Variants in SPATA9 observed in about 807,000 individuals in gnomAD.
SPATA9 encodes the protein spermatogenesis-associated protein 9.
In SPATA9, 27 loss-of-function variants were observed where a neutral mutation model predicts 25.5. The ratio of observed to expected loss-of-function variants is 1.06; its 90% CI spans 0.78 to 1.46. SPATA9 has a LOEUF of 1.46. SPATA9 is among the 40% of genes most tolerant of loss of function. SPATA9 has a pLI of 0.00. For synonymous variants in SPATA9, 102 were observed against 105.7 expected, an observed-to-expected ratio of 0.97 and a Z score of 0.21; for missense variants, 282 against 297.5, an observed-to-expected ratio of 0.95 and a Z score of 0.38.
At chr5:95,679,131 G>C (rs1407857314) in intron 2 of SPATA9, among the ~76,000 whole-genome samples, 1 of 152,160 alleles carries the variant, frequency 6.6e-6, no homozygotes, top group African/African-American at 2.4e-5. Flanking sequence ...AGAAATGAAT[G>C]AATGAAGTTG....
At chr5:95,731,310 A>G in the SPATA9 span, 3 of 1,050,474 alleles carry the variant, frequency 2.9e-6, no homozygotes, top group Non-Finnish European at 3.4e-6. Flanking sequence ...TTCTCTGCTT[A>G]GAGGAGGAGG....
At chr5:95,656,373 T>C, downstream of SPATA9, 2 of 1,368,698 alleles carry the variant, frequency 1.5e-6, no homozygotes, top group Middle Eastern at 2.0e-4. Context: ...ATAACTCTGC[T>C]TCAGTTTTAA....
intron 3 of SPATA9, among the ~76,000 whole-genome samples, chr5:95,668,364 T>C (rs1752031393): frequency 6.6e-6 from 1 of 152,258 alleles, no homozygotes. Flanking sequence ...CAAGAAAATA[T>C]ATTTCCTCCA....
chr5:95,709,573 G>A, the SPATA9 span, among the ~76,000 whole-genome samples: 1 of 152,168 alleles, frequency 6.6e-6, no homozygotes, highest in African/African-American at 2.4e-5. Flanking sequence ...AGCTATGGAC[G>A]AGGTGAAGGC....
intron 2 of SPATA9, among the ~76,000 whole-genome samples, chr5:95,677,706 T>C (rs543164581): frequency 1.5e-4 from 23 of 152,328 alleles, no homozygotes; most frequent in Admixed American, 1.4e-3. Context: ...TTGGCATGGA[T>C]TCTCATATGT....
At chr5:95,711,718 C>T in the SPATA9 span, among the ~76,000 whole-genome samples, 1 of 152,180 alleles carries the variant, frequency 6.6e-6, no homozygotes, top group Non-Finnish European at 1.5e-5. Context: ...GGAGCCGAAC[C>T]GGCAGAGGGT....
At chr5:95,652,363 T>C (rs1270016165), downstream of SPATA9, 14 of 1,545,664 alleles carry the variant, frequency 9.1e-6, no homozygotes, top group East Asian at 3.4e-4. Context: ...ACCTGGAAAC[T>C]CCCCAGTTTT....
chr5:95,672,848 T>A (rs1340921057), intron 3 of SPATA9, among the ~76,000 whole-genome samples: 2 of 152,204 alleles, frequency 1.3e-5, no homozygotes, highest in South Asian at 2.1e-4. Context: ...ATTTTTTTCT[T>A]GCCACTGAAT....
At chr5:95,659,437 A>C (rs1751052051) in intron 4 of SPATA9, 1 of 152,542 alleles carries the variant, frequency 6.6e-6, no homozygotes. Flanking sequence ...TAAGGAGAGG[A>C]GTGTCAAAAA....
chr5:95,726,971 T>A, the SPATA9 span, among the ~76,000 whole-genome samples: 1 of 152,070 alleles, frequency 6.6e-6, no homozygotes, highest in Non-Finnish European at 1.5e-5. Context: ...CCCCCTTTTT[T>A]TTTTCAGTAA....
At chr5:95,704,019 A>T in the SPATA9 span, among the ~76,000 whole-genome samples, 18 of 152,260 alleles carry the variant, frequency 1.2e-4, no homozygotes, top group East Asian at 3.3e-3. Context: ...GTGCATGCAG[A>T]TACACAAATA....
chr5:95,708,618 G>A, the SPATA9 span: 1 of 696,438 alleles, frequency 1.4e-6, no homozygotes, highest in African/African-American at 1.8e-5. Flanking sequence ...CAACATTTTG[G>A]AGTTCTTTTT....
intron 2 of SPATA9, among the ~76,000 whole-genome samples, chr5:95,676,711 T>C (rs138795570): frequency 1.8e-4 from 28 of 152,350 alleles, no homozygotes; most frequent in African/African-American, 6.3e-4. Flanking sequence ...ATTTGCCTCC[T>C]AAGTGGTTTC....
At position 95,658,713 on chromosome 5, in the gene SPATA9, G is replaced by A. The variant is rs1437713866; in HGVS notation, c.675C>T (p.Tyr225=). Residue 225 remains tyrosine (Y), a synonymous_variant, in exon 5 of 5, where the codon TAC becomes TAT. Coordinates refer to ENST00000274432, the MANE Select transcript of SPATA9 (RefSeq NM_031952.4). ...SLPEKPDISD[Y]PKLLANKQSN... is the part of the protein sequence containing the mutation. ...TCTGCTTATTAGCAAGAAGCTTGGG[G>A]TAATCTGAAATGTCTGGCTTCTCCG... The A allele has an allele frequency of 1.9e-6, 3 of 1,613,818 alleles. No homozygotes were observed. The highest frequency in any genetic ancestry group is 2.2e-5 in the East Asian group (1 of 44,852).
intron 3 of SPATA9, among the ~76,000 whole-genome samples, chr5:95,664,828 A>G (rs1209166292): frequency 6.6e-6 from 1 of 152,220 alleles, no homozygotes; most frequent in East Asian, 1.9e-4. Flanking sequence ...GAACTTCCAA[A>G]AGGTACAGGC....
At chr5:95,694,465 GA>G (rs1412361899) in intron 1 of SPATA9, among the ~76,000 whole-genome samples, 2 of 152,066 alleles carry the variant, frequency 1.3e-5, no homozygotes, top group African/African-American at 4.8e-5. Context: ...CTATAAAAAA[GA>G]AAAGTATCAT....
chr5:95,662,172 GA>G (rs1389772371), intron 4 of SPATA9, among the ~76,000 whole-genome samples: 2 of 151,990 alleles, frequency 1.3e-5, no homozygotes, highest in Admixed American at 6.6e-5. Context: ...TAGGACAATA[GA>G]AAAAGGGCTT....
chr5:95,661,417 C>A (rs530471164), intron 4 of SPATA9, among the ~76,000 whole-genome samples: 2 of 152,076 alleles, frequency 1.3e-5, no homozygotes, highest in African/African-American at 4.8e-5. Context: ...GCCTTAGATA[C>A]ATATATGACC....
chr5:95,732,014 C>T, the SPATA9 span: 4 of 1,614,188 alleles, frequency 2.5e-6, no homozygotes, highest in Non-Finnish European at 3.4e-6. Flanking sequence ...GTCGCGCGTC[C>T]GGTGTTCACC....
Sources: allele counts gnomAD v4.1 joint callset (sites outside exome capture counted in the v4.1 genomes callset), GRCh38; gene constraint gnomAD v4.1.1; transcripts MANE v1.5; gene names NCBI Gene and HGNC (gene_info 2026-07-23, HGNC 2026-07-21).